ADAM12: variants seen among roughly 807,000 people sequenced by gnomAD.
ADAM12 encodes the protein disintegrin and metalloproteinase domain-containing protein 12.
ADAM12 carries 70 observed loss-of-function variants against 106.4 expected under a neutral mutation model. The ratio of observed to expected loss-of-function variants is 0.66; its 90% CI spans 0.54 to 0.80. ADAM12 has a LOEUF of 0.80. Among genes scored for constraint, ADAM12 ranks in the 30% least tolerant of loss-of-function variants. ADAM12 has a pLI of 0.00. For synonymous variants in ADAM12, 420 were observed against 433.5 expected, an observed-to-expected ratio of 0.97 and a Z score of 0.39; for missense variants, 1,010 against 1,171.9, an observed-to-expected ratio of 0.86 and a Z score of 2.02.
At chr10:126,332,419 G>T (rs114474050) in intron 1 of ADAM12, among the ~76,000 whole-genome samples, 1 of 152,158 alleles carries the variant, frequency 6.6e-6, no homozygotes, top group Non-Finnish European at 1.5e-5. Flanking sequence ...AGAGAAAAAC[G>T]ATGAAAAGAA....
intron 2 of ADAM12, among the ~76,000 whole-genome samples, chr10:126,304,151 C>T (rs773093219): frequency 3.3e-4 from 50 of 152,002 alleles, no homozygotes; most frequent in Non-Finnish European, 5.6e-4. Context: ...TAAGAAAGGC[C>T]GTGCCTCACA....
intron 1 of ADAM12, among the ~76,000 whole-genome samples, chr10:126,337,032 A>G (rs1347331654): frequency 6.6e-6 from 1 of 152,220 alleles, no homozygotes; most frequent in East Asian, 1.9e-4. Flanking sequence ...TACATGGTGT[A>G]TTACTCAGGT....
chr10:126,211,486 G>C (rs893452782), intron 3 of ADAM12, among the ~76,000 whole-genome samples: 1 of 152,096 alleles, frequency 6.6e-6, no homozygotes, highest in Non-Finnish European at 1.5e-5. Context: ...AGCCATCTCT[G>C]CCTCCTGGAC....
intron 4 of ADAM12, among the ~76,000 whole-genome samples, chr10:126,147,600 G>T (rs573283363): frequency 3.9e-5 from 6 of 152,148 alleles, no homozygotes; most frequent in African/African-American, 1.4e-4. Flanking sequence ...AGCCTGGAAC[G>T]TTTCTCCTCC....
At chr10:126,172,564 T>C (rs565584116) in intron 3 of ADAM12, among the ~76,000 whole-genome samples, 1 of 152,298 alleles carries the variant, frequency 6.6e-6, no homozygotes, top group African/African-American at 2.4e-5. Flanking sequence ...AGATACCATC[T>C]CATGCCAGTT....
chr10:126,263,667 G>A (rs1032959075), intron 3 of ADAM12, among the ~76,000 whole-genome samples: 20 of 152,136 alleles, frequency 1.3e-4, no homozygotes, highest in Non-Finnish European at 2.5e-4. Flanking sequence ...TAATTTATGT[G>A]TCCTTCAGTA....
chr10:126,037,473 A>AAAAC (rs754488076), intron 20 of ADAM12, among the ~76,000 whole-genome samples: 5 of 152,188 alleles, frequency 3.3e-5, no homozygotes, highest in East Asian at 1.9e-4. Flanking sequence ...CAAGGGAGTT[A>AAAAC]AAACAGTTTA....
chr10:126,127,122 G>A (rs1466563007), intron 5 of ADAM12, among the ~76,000 whole-genome samples: 1 of 152,194 alleles, frequency 6.6e-6, no homozygotes, highest in African/African-American at 2.4e-5. Flanking sequence ...GCTGAGGTGG[G>A]CCCCCAGGGA....
At chr10:126,249,059 T>C (rs1201220985) in intron 3 of ADAM12, among the ~76,000 whole-genome samples, 13 of 152,154 alleles carry the variant, frequency 8.5e-5, no homozygotes, top group Non-Finnish European at 1.5e-5. Context: ...GTAAAATTAT[T>C]ATCCTTACTT....
intron 1 of ADAM12, among the ~76,000 whole-genome samples, chr10:126,383,863 G>A (rs1856568791): frequency 6.6e-6 from 1 of 152,144 alleles, no homozygotes; most frequent in Non-Finnish European, 1.5e-5. Flanking sequence ...TGTTTTGTTT[G>A]AAGCAGCAAT....
At chr10:126,325,961 C>T (rs561746589) in intron 2 of ADAM12, among the ~76,000 whole-genome samples, 18 of 152,330 alleles carry the variant, frequency 1.2e-4, no homozygotes, top group Middle Eastern at 3.4e-3. Flanking sequence ...CCAACACACA[C>T]AAGGTCACCT....
At chr10:126,249,779 G>T (rs1157167911) in intron 3 of ADAM12, among the ~76,000 whole-genome samples, 2 of 152,194 alleles carry the variant, frequency 1.3e-5, no homozygotes, top group Non-Finnish European at 2.9e-5. Context: ...TTCTGATTTA[G>T]AATTCATGGC....
chr10:126,178,223 A>T lies in ADAM12; in HGVS notation c.261-22918T>A, dbSNP rs564565439. Among the ~76,000 whole-genome samples, 157 of 152,102 alleles carry T rather than the reference A, an allele frequency of 1.0e-3. 2 individuals are homozygous for T. Among genetic ancestry groups the T allele is most frequent in the African/African-American group, 3.7e-3 (152 of 41,494 alleles). ...TGGTCTCAAACAGTCAAAAAAAAAA[A>T]TCCCCATATTGTAGTTACAAAGCTT... is the stretch of plus-strand genomic sequence containing the variant. On this transcript the variant is annotated intron_variant, in intron 3 of 22. Coordinates refer to ENST00000448723, the MANE Select transcript of ADAM12 (RefSeq NM_001288973.2).
At chr10:126,359,807 C>A (rs891787658) in intron 1 of ADAM12, among the ~76,000 whole-genome samples, 4 of 152,196 alleles carry the variant, frequency 2.6e-5, no homozygotes, top group African/African-American at 9.7e-5. Flanking sequence ...TAGGTGGTGC[C>A]CCAGTAGGGA....
At chr10:126,127,015 G>A (rs887793713) in intron 5 of ADAM12, among the ~76,000 whole-genome samples, 6 of 152,210 alleles carry the variant, frequency 3.9e-5, no homozygotes, top group African/African-American at 9.7e-5. Context: ...GATGCCACCT[G>A]GCAAAACCAC....
chr10:126,144,772 G>A (rs1956594667), intron 4 of ADAM12, among the ~76,000 whole-genome samples: 2 of 152,190 alleles, frequency 1.3e-5, no homozygotes, highest in Non-Finnish European at 2.9e-5. Context: ...ATATGGTACA[G>A]CGTGGGGAAG....
At position 126,134,088 on chromosome 10, in the gene ADAM12, G is replaced by C. The variant is rs954671716; in HGVS notation, c.416+1496C>G. 2.0e-5 allele frequency among the ~76,000 whole-genome samples: 3 copies of C among 152,268 alleles called. No individual in the cohort carries two copies. In the South Asian group the frequency reaches 6.2e-4, roughly 32 times the overall value. On this transcript the variant is annotated intron_variant, in intron 5 of 22. Transcript: ENST00000448723. ...GAACTGGCAATGAGGAAGCACTCAA[G>C]GAATGTTTTCTGAACGAATGAATAA...
chr10:126,368,356 G>GTTTTTTTTTTTT (rs34317249), intron 1 of ADAM12, among the ~76,000 whole-genome samples: 1 of 118,402 alleles, frequency 8.4e-6, no homozygotes. Flanking sequence ...TGTGTGATTT[G>GTTTTTTTTTTTT]TTTTTTTTTT....
At chr10:126,307,840 G>A (rs1960916966) in intron 2 of ADAM12, among the ~76,000 whole-genome samples, 2 of 152,192 alleles carry the variant, frequency 1.3e-5, no homozygotes, top group African/African-American at 2.4e-5. Context: ...TGATCTGCCT[G>A]CCTTGGCCTC....
Sources: allele counts gnomAD v4.1 joint callset (sites outside exome capture counted in the v4.1 genomes callset), GRCh38; gene constraint gnomAD v4.1.1; transcripts MANE v1.5; gene names NCBI Gene and HGNC (gene_info 2026-07-23, HGNC 2026-07-21).